Variants in KCNMA1 observed in about 807,000 individuals in gnomAD.
The protein encoded by KCNMA1 is potassium calcium-activated channel subfamily M alpha 1, also known as Calcium-activated potassium channel subunit alpha-1.
In KCNMA1, 29 loss-of-function variants were observed where a neutral mutation model predicts 140.0. The observed-to-expected ratio is 0.21, with a 90% CI of 0.15 to 0.28. The LOEUF (loss-of-function observed/expected upper bound fraction) is 0.28. Ranked by LOEUF, KCNMA1 falls within the 10% of genes least tolerant of loss-of-function variation. The probability of loss-of-function intolerance (pLI) is 1.00; values close to 1 mark genes in which losing one functional copy is unlikely to be tolerated. For missense variants in KCNMA1, 880 were observed against 1,602.2 expected (o/e 0.55, Z 7.70); for synonymous variants, 612 against 611.9 (o/e 1.00, Z 0.00).
intron 5 of KCNMA1, among the ~76,000 whole-genome samples, chr10:77,180,441 G>A (rs1456796272): frequency 6.6e-6 from 1 of 152,132 alleles, no homozygotes; most frequent in African/African-American, 2.4e-5. Flanking sequence ...AGGAGATTTC[G>A]CTACCAAAGA....
At chr10:77,248,641 A>C (rs537061436) in intron 3 of KCNMA1, among the ~76,000 whole-genome samples, 1 of 152,302 alleles carries the variant, frequency 6.6e-6, no homozygotes, top group South Asian at 2.1e-4. Context: ...TTTTGAATGA[A>C]AGACATGGAT....
intron 2 of KCNMA1, among the ~76,000 whole-genome samples, chr10:77,259,781 C>A (rs1254315102): frequency 6.6e-6 from 1 of 152,210 alleles, no homozygotes; most frequent in Non-Finnish European, 1.5e-5. Context: ...TAGCAGTTAG[C>A]AAAGCAGCAA....
intron 3 of KCNMA1, among the ~76,000 whole-genome samples, chr10:77,208,205 CA>C (rs1715511146): frequency 6.6e-6 from 1 of 152,200 alleles, no homozygotes; most frequent in Non-Finnish European, 1.5e-5. Flanking sequence ...TACAAACTTC[CA>C]GCTTGATTCC....
intron 29 of KCNMA1, among the ~76,000 whole-genome samples, chr10:76,879,606 A>G (rs541474810): frequency 1.3e-5 from 2 of 150,720 alleles, no homozygotes; most frequent in African/African-American, 4.9e-5. Flanking sequence ...CTTCAATTCC[A>G]TAGATCTTTT....
chr10:77,352,650 T>TGTGTG (rs1566177733), intron 2 of KCNMA1, among the ~76,000 whole-genome samples: 60 of 137,066 alleles, frequency 4.4e-4, no homozygotes, highest in Middle Eastern at 3.9e-3. Flanking sequence ...GTGTGTGTGT[T>TGTGTG]TGTGTGTGTG....
At chr10:77,572,584 ATATATATATATATATATAT>A (rs2071959361) in intron 1 of KCNMA1, among the ~76,000 whole-genome samples, 3 of 90,646 alleles carry the variant, frequency 3.3e-5, no homozygotes, top group African/African-American at 4.7e-5. Context: ...ATATATATAT[ATATATATATATATATATAT>A]AAATTAGCTG....
intron 23 of KCNMA1, among the ~76,000 whole-genome samples, chr10:76,942,960 T>A (rs1218300430): frequency 6.6e-6 from 1 of 152,132 alleles, no homozygotes; most frequent in Non-Finnish European, 1.5e-5. Context: ...TGCCTGGGGA[T>A]CTTGTTGGAA....
intron 20 of KCNMA1, among the ~76,000 whole-genome samples, chr10:76,958,692 G>A (rs1482472603): frequency 6.6e-6 from 1 of 152,066 alleles, no homozygotes; most frequent in Non-Finnish European, 1.5e-5. Context: ...GAAGACAGAG[G>A]GAAAAGACAG....
intron 2 of KCNMA1, among the ~76,000 whole-genome samples, chr10:77,333,160 G>A (rs2087186883): frequency 6.6e-6 from 1 of 152,112 alleles, no homozygotes; most frequent in Admixed American, 6.6e-5. Context: ...GCATAGAGCA[G>A]GATGTGAGTC....
intron 3 of KCNMA1, among the ~76,000 whole-genome samples, chr10:77,189,090 C>T (rs1437060190): frequency 6.6e-6 from 1 of 152,122 alleles, no homozygotes; most frequent in Admixed American, 6.5e-5. Context: ...GCTCCATCCC[C>T]AGTTTCTGAT....
intron 2 of KCNMA1, among the ~76,000 whole-genome samples, chr10:77,387,647 T>A (rs2095663278): frequency 6.6e-6 from 1 of 151,696 alleles, no homozygotes; most frequent in African/African-American, 2.4e-5. Context: ...AGATGGAATC[T>A]TGCTCTGTCA....
chr10:76,904,793 G>A (rs1017150501), intron 25 of KCNMA1: 4 of 152,578 alleles, frequency 2.6e-5, no homozygotes, highest in Admixed American at 2.0e-4. Context: ...GGACAAGCAA[G>A]TGACCGGAAG....
intron 2 of KCNMA1, among the ~76,000 whole-genome samples, chr10:77,300,231 GAGA>G (rs1216345233): frequency 6.6e-6 from 1 of 152,228 alleles, no homozygotes; most frequent in Non-Finnish European, 1.5e-5. Context: ...GGGAAGGTAA[GAGA>G]CCTGAGAAAG....
intron 2 of KCNMA1, among the ~76,000 whole-genome samples, chr10:77,352,615 G>T (rs1315466001): frequency 7.0e-6 from 1 of 142,934 alleles, no homozygotes; most frequent in Non-Finnish European, 1.5e-5. Flanking sequence ...GGATCTTGCA[G>T]TACAGGGTGT....
At chr10:77,037,556 A>C (rs1247756) in intron 15 of KCNMA1, among the ~76,000 whole-genome samples, 87 of 151,806 alleles carry the variant, frequency 5.7e-4, no homozygotes, top group Admixed American at 1.6e-3. Context: ...TCCCAAGAGC[A>C]GAGTAAGAGA....
At chr10:77,607,700 C>T (rs539490258) in intron 1 of KCNMA1, among the ~76,000 whole-genome samples, 29 of 152,272 alleles carry the variant, frequency 1.9e-4, no homozygotes, top group South Asian at 1.2e-3. Context: ...GCAAGAAAAA[C>T]GACTTGCCCC....
At chr10:76,924,483 T>C (rs1453839878) in intron 23 of KCNMA1, among the ~76,000 whole-genome samples, 1 of 152,180 alleles carries the variant, frequency 6.6e-6, no homozygotes, top group African/African-American at 2.4e-5. Flanking sequence ...ACATTTTATT[T>C]ATGTAATGAA....
At chr10:77,044,464 C>A (rs1236410896) in intron 14 of KCNMA1, among the ~76,000 whole-genome samples, 1 of 152,024 alleles carries the variant, frequency 6.6e-6, no homozygotes, top group Non-Finnish European at 1.5e-5. Context: ...GCCTGGGCAA[C>A]ACAGCAAGAC....
rs77994616 is a variant in KCNMA1 at position 76,954,139 on chromosome 10, C to G, written c.2361-215G>C. On this transcript the variant is annotated intron_variant, in intron 20 of 27. Transcript: ENST00000286628. Reference sequence around the variant, plus strand: ...AGTGCAGGTGACCTTTGTCAGGGAGCATTTCTGCCTTTCCCCCGCTCCTCT... The same window carrying G: ...AGTGCAGGTGACCTTTGTCAGGGAGGATTTCTGCCTTTCCCCCGCTCCTCT... Among the ~76,000 whole-genome samples the G allele has an allele frequency of 0.016, 2,415 of 152,236 alleles. 67 individuals are homozygous for G. Among genetic ancestry groups the G allele is most frequent in the African/African-American group, 0.056 (2,317 of 41,522 alleles).
Sources: allele counts gnomAD v4.1 joint callset (sites outside exome capture counted in the v4.1 genomes callset), GRCh38; gene constraint gnomAD v4.1.1; transcripts MANE v1.5; gene names NCBI Gene and HGNC (gene_info 2026-07-23, HGNC 2026-07-21).